Variants in CILK1 observed in about 807,000 individuals in gnomAD.
CILK1 encodes serine/threonine-protein kinase ICK.
In CILK1, 47 loss-of-function variants were observed where a neutral mutation model predicts 79.2. That is an observed-to-expected ratio of 0.59 (90% CI 0.47 to 0.76). The LOEUF (loss-of-function observed/expected upper bound fraction) is 0.76. Among genes scored for constraint, CILK1 ranks in the 30% least tolerant of loss-of-function variants. The pLI, the probability that CILK1 is intolerant of heterozygous loss-of-function variation, is 0.00. For synonymous variants in CILK1, 266 were observed against 275.9 expected (o/e 0.96, Z 0.36); for missense variants, 660 against 769.5 (o/e 0.86, Z 1.68).
intron 6 of CILK1, among the ~76,000 whole-genome samples, chr6:53,018,894 T>C (rs1765051783): frequency 6.6e-6 from 1 of 152,246 alleles, no homozygotes; most frequent in Non-Finnish European, 1.5e-5. Flanking sequence ...AAATTCCCAG[T>C]GTCTCAAAGT....
In CILK1 at chr6:53,011,177, C is replaced by T. The variant is rs573275336; in HGVS notation, c.1492+592G>A. 3.9e-4 allele frequency among the ~76,000 whole-genome samples: 60 copies of T among 152,308 alleles called. 1 individual carries two copies. The highest frequency in any genetic ancestry group is 3.5e-3 in the Admixed American group (53 of 15,302). On this transcript the variant is annotated intron_variant, in intron 11 of 13. Coordinates refer to ENST00000676107, the MANE Select transcript of CILK1 (RefSeq NM_014920.5). The stretch of plus-strand genomic sequence containing the variant: ...CTGGTTTCCCTATTGGCCATTTCCC[C>T]TAAACCTGGTCTGGTAGAGGGGCCT...
At chr6:53,018,656 G>A (rs957384708) in intron 6 of CILK1, among the ~76,000 whole-genome samples, 155 bp from the exon 7 acceptor site, 6 of 152,202 alleles carry the variant, frequency 3.9e-5, no homozygotes, top group Non-Finnish European at 7.3e-5. Context: ...CAACTGCCGT[G>A]GGCTGCTGTT....
chr6:53,009,067 G>C (rs1464491809), intron 12 of CILK1, among the ~76,000 whole-genome samples: 1 of 152,184 alleles, frequency 6.6e-6, no homozygotes, highest in Non-Finnish European at 1.5e-5. Context: ...CAGAAGGAGG[G>C]GACAGGCTGG....
At chr6:53,031,463 G>T (rs1245997964) in intron 4 of CILK1, among the ~76,000 whole-genome samples, 5 of 152,078 alleles carry the variant, frequency 3.3e-5, no homozygotes, top group African/African-American at 9.7e-5. Flanking sequence ...CCTCCTGGCT[G>T]GGCAAAACAC....
At chr6:53,048,144 C>T (rs1012780153) in intron 1 of CILK1, among the ~76,000 whole-genome samples, 2 of 151,994 alleles carry the variant, frequency 1.3e-5, no homozygotes, top group African/African-American at 2.4e-5. Flanking sequence ...ATAAGGAATG[C>T]AATAGTCCCA....
chr6:53,009,447 ACTTTGCTGATT>A lies in CILK1; in HGVS notation c.1602_1612del (p.Ile535LysfsTer11). 6.2e-7 allele frequency: 1 copy of A among 1,614,122 alleles called. No individual in the cohort carries two copies. The highest frequency in any genetic ancestry group is 8.5e-7 in the Non-Finnish European group (1 of 1,179,968). ...TAATGATCATTACTCACCTGAATTT[ACTTTGCTGATT>A]ACTGACATTGTCCCTGAAGATTTTC... On this transcript the variant is annotated frameshift_variant, in exon 12 of 14. Transcript: ENST00000676107. LOFTEE classifies it high-confidence loss of function.
chr6:53,015,077 A>G (rs1764814809), intron 8 of CILK1, among the ~76,000 whole-genome samples: 1 of 152,060 alleles, frequency 6.6e-6, no homozygotes, highest in African/African-American at 2.4e-5. Context: ...GCTTTTCTAC[A>G]CTCCTTAATT....
rs751000701 is a variant in CILK1 at position 53,041,152 on chromosome 6, G to T, written c.85C>A (p.Leu29Met). The change falls in exon 2 of 14, where the codon CTG becomes ATG. Residue 29 changes from leucine (L) to methionine (M), a missense_variant. Physicochemically the swap from Leu to Met is conservative, Grantham distance 15 (BLOSUM62 2). Coordinates refer to ENST00000676107, the MANE Select transcript of CILK1 (RefSeq NM_014920.5). ...LLGRSIESGE[L>M]IAIKKMKRKF... ...CAAACTTACTTTTTAATAGCGATCA[G>T]CTCCCCAGACTCAATGCTTCTTCCC... 5 of 1,612,116 alleles carry T rather than the reference G, an allele frequency of 3.1e-6. No homozygotes were observed. In the East Asian group the frequency reaches 1.1e-4, roughly 36 times the overall value.
chr6:53,031,437 C>T (rs1765953725), intron 4 of CILK1, among the ~76,000 whole-genome samples: 1 of 152,186 alleles, frequency 6.6e-6, no homozygotes, highest in Admixed American at 6.5e-5. Flanking sequence ...TTATGCAATG[C>T]AATGGCTAAC....
chr6:53,043,846 C>T (rs561988271), intron 1 of CILK1, among the ~76,000 whole-genome samples: 54 of 101,756 alleles, frequency 5.3e-4, no homozygotes, highest in African/African-American at 1.9e-3. Flanking sequence ...AGGAGAAAGC[C>T]CTCTTGGTTT....
chr6:53,013,516 AG>A (rs1764705124), intron 9 of CILK1, 145 bp downstream of exon 9: 1 of 788,500 alleles, frequency 1.3e-6, no homozygotes, highest in Non-Finnish European at 2.1e-6. Flanking sequence ...TCCAAAGCCA[AG>A]GGTCTTTACA....
intron 3 of CILK1, among the ~76,000 whole-genome samples, chr6:53,036,416 TTTTG>T (rs1766338826): frequency 6.6e-6 from 1 of 151,994 alleles, no homozygotes; most frequent in African/African-American, 2.4e-5. Flanking sequence ...CTAAGAATAT[TTTTG>T]TTTTTGTTTT....
At chr6:53,024,991 C>T (rs1244012629) in intron 5 of CILK1, among the ~76,000 whole-genome samples, 1 of 151,938 alleles carries the variant, frequency 6.6e-6, no homozygotes, top group African/African-American at 2.4e-5. Context: ...CACCACCATG[C>T]CCGGCTAATT....
chr6:53,001,795 T>G lies in CILK1; in HGVS notation c.*3354A>C, dbSNP rs540976541. ...TTTAAATGATATAAAATAATTAGTA[T>G]GTCAAACATCTTCTTATAAACATAT... On this transcript the variant is annotated 3_prime_UTR_variant, in exon 14 of 14. Coordinates refer to ENST00000676107, the MANE Select transcript of CILK1 (RefSeq NM_014920.5). The G allele has an allele frequency of 6.5e-6, 1 of 152,692 alleles. No individual in the cohort carries two copies. Among genetic ancestry groups the G allele is most frequent in the Non-Finnish European group, 1.5e-5 (1 of 68,044 alleles). The allele number at this position is 152,692 out of a possible 1,614,324, so 9.5% of individuals were successfully genotyped here. A position where few individuals can be genotyped will look rare whatever the true frequency, so the allele number is the denominator to read the frequency against.
At chr6:53,041,935 A>G (rs554709614) in intron 1 of CILK1, among the ~76,000 whole-genome samples, 5 of 151,858 alleles carry the variant, frequency 3.3e-5, no homozygotes, top group African/African-American at 1.2e-4. Flanking sequence ...TCTTAAATGT[A>G]TTTATAGCTC....
rs768007681 is a variant in CILK1 at position 53,032,677 on chromosome 6, A to G, written c.157-23T>C. On this transcript the variant is annotated intron_variant, in intron 3 of 13. Coordinates refer to ENST00000676107, the MANE Select transcript of CILK1 (RefSeq NM_014920.5). ...AGACTAAAAGGCAAGGAATAAACACAAAACAAAACAAATATTAGAGAAAAT... is the reference window on the plus strand; with the variant it reads ...AGACTAAAAGGCAAGGAATAAACACGAAACAAAACAAATATTAGAGAAAAT... 5.7e-6 allele frequency: 9 copies of G among 1,571,444 alleles called. No homozygotes were observed. The South Asian group carries it at 8.0e-5, about 14-fold the overall frequency.
rs1046011727 is a variant in CILK1, at chr6:53,012,393, C to G, written c.1153-166G>C. ...GAAAACACATTCCCAATCTTTCTGTCTCACTCATCCTTCACAGATTGTATC... is the reference window on the plus strand; with the variant it reads ...GAAAACACATTCCCAATCTTTCTGTGTCACTCATCCTTCACAGATTGTATC... On this transcript the variant is annotated intron_variant, in intron 9 of 13. Transcript: ENST00000676107. Among the ~76,000 whole-genome samples, 21 of 152,174 alleles carry G rather than the reference C, an allele frequency of 1.4e-4. 1 individual carries two copies. Among genetic ancestry groups the G allele is most frequent in the Non-Finnish European group, 1.2e-4 (8 of 68,040 alleles).
intron 2 of CILK1, among the ~76,000 whole-genome samples, chr6:53,039,089 G>A (rs7752387): frequency 0.014 from 2,197 of 152,232 alleles, 27 homozygotes; most frequent in Non-Finnish European, 0.024. Flanking sequence ...ACTGTCTCCC[G>A]GTAGAGTGAT....
intron 1 of CILK1, among the ~76,000 whole-genome samples, chr6:53,057,554 T>C (rs545317944): frequency 5.9e-5 from 9 of 152,180 alleles, no homozygotes; most frequent in Middle Eastern, 3.4e-3. Flanking sequence ...CTTTATCTTT[T>C]GGTTCAGAGG....
Sources: gnomAD v4.1 joint callset for allele counts (sites outside exome capture counted in the v4.1 genomes callset) on GRCh38, gnomAD v4.1.1 for gene constraint, MANE v1.5 for transcripts, NCBI Gene and HGNC (gene_info 2026-07-23, HGNC 2026-07-21) for gene names.